The following ITGA10 variants were observed in gnomAD, a reference collection of about 807,000 sequenced individuals.
ITGA10 encodes integrin alpha-10.
A neutral mutation model predicts 145.2 loss-of-function variants in ITGA10; 105 were observed. The observed-to-expected ratio is 0.72, with a 90% CI of 0.62 to 0.85. The LOEUF (loss-of-function observed/expected upper bound fraction) is 0.85. Among genes scored for constraint, ITGA10 ranks in the 40% least tolerant of loss-of-function variants. The pLI is 0.00. For missense variants in ITGA10, 1,317 were observed against 1,444.5 expected (o/e 0.91, Z 1.43); for synonymous variants, 506 against 557.8 (o/e 0.91, Z 1.31).
At chr1:145,895,551 A>C in intron 26 of ITGA10, 80 bp downstream of exon 26, 3 of 1,462,814 alleles carry the variant, frequency 2.1e-6, no homozygotes, top group Non-Finnish European at 2.9e-6. Flanking sequence ...CTTCTTCCCC[A>C]CTCCAGTTCC....
chr1:145,903,964 A>C, intron 7 of ITGA10, 88 bp downstream of exon 7: 1 of 1,479,926 alleles, frequency 6.8e-7, no homozygotes, highest in Admixed American at 1.7e-5. Flanking sequence ...CTGGGATTAC[A>C]GGCGTGAGCC....
chr1:145,899,104 G>A (rs1655860215), intron 16 of ITGA10, 26 bp from the exon 17 acceptor site: 1 of 1,614,274 alleles, frequency 6.2e-7, no homozygotes, highest in Non-Finnish European at 8.5e-7. Flanking sequence ...AAGAGTGAGG[G>A]TGGAAAGGGG....
rs587652969 is a variant in ITGA10 at position 145,895,887 on chromosome 1, G to A, written c.3033+96C>T. 2.7e-5 allele frequency: 29 copies of A among 1,080,858 alleles called. No individual in the cohort carries two copies. The African/African-American group carries it at 3.8e-4, about 14-fold the overall frequency. 67.0% of individuals were successfully genotyped at this position (1,080,858 alleles called of 1,614,324 possible). ...CCCAGAGAGAAGAGCCCCAAGAGCA[G>A]AGGCCCAACAGATAGGGAGCTGGTG... On this transcript the variant is annotated intron_variant, in intron 25 of 29. Transcript: ENST00000369304.
intron 5 of ITGA10, chr1:145,905,873 TG>T (rs1187723506): frequency 1.3e-5 from 2 of 153,482 alleles, no homozygotes; most frequent in Non-Finnish European, 2.9e-5. Context: ...CATGAGTTAC[TG>T]TGCCAGGCCA....
At chr1:145,906,312 G>T in intron 5 of ITGA10, 82 bp downstream of exon 5, 1 of 1,012,936 alleles carries the variant, frequency 9.9e-7, no homozygotes, top group Non-Finnish European at 1.5e-6. Flanking sequence ...CCCTTTGCCA[G>T]GCATCATACC....
rs1657197657 is a variant in ITGA10 at position 145,906,740 on chromosome 1, C to G, written c.359G>C (p.Gly120Ala). ...MSLLETDGDG[G>A]FMACAPLWSR... The stretch of plus-strand genomic sequence containing the variant: ...ACCCTCTCCTTAGCTCACCATGAAT[C>G]CCCCATCACCATCTGTCTCTAACAG... Residue 120 changes from glycine to alanine, a missense_variant, in exon 4 of 30, where the codon GGA (glycine) becomes GCA (alanine). Physicochemically the swap from Gly to Ala is moderately conservative, Grantham distance 60. Transcript: ENST00000369304. The G allele has an allele frequency of 1.9e-6, 3 of 1,609,528 alleles. No individual in the cohort carries two copies. The highest frequency in any genetic ancestry group is 2.6e-6 in the Non-Finnish European group (3 of 1,176,004).
intron 22 of ITGA10, 75 bp from the exon 23 acceptor site, chr1:145,896,933 C>T: frequency 6.6e-7 from 1 of 1,521,078 alleles, no homozygotes; most frequent in Non-Finnish European, 9.1e-7. Flanking sequence ...ATAGAGGAAT[C>T]AATGTTGTTC....
In ITGA10 at chr1:145,897,310, G is replaced by A. The variant is rs587775880; in HGVS notation, c.2604C>T (p.Ala868=). 1.5e-5 allele frequency: 25 copies of A among 1,614,122 alleles called. No homozygotes were observed. The highest frequency in any genetic ancestry group is 3.3e-4 in the Middle Eastern group (2 of 6,060). The change falls in exon 21 of 30, where the codon GCC becomes GCT. Residue 868 remains alanine (A), a synonymous_variant. Coordinates refer to ENST00000369304, the MANE Select transcript of ITGA10 (RefSeq NM_003637.5). ...AGAGCCGGGCATGAGCAGAAGGGGCGGCACATTCCACCTTTATTGGGCTCT... is the reference window on the plus strand; with the variant it reads ...AGAGCCGGGCATGAGCAGAAGGGGCAGCACATTCCACCTTTATTGGGCTCT... ...QRESPIKVEC[A]APSAHARLCS...
chr1:145,900,710 G>A, intron 14 of ITGA10, 80 bp downstream of exon 14: 1 of 1,446,818 alleles, frequency 6.9e-7, no homozygotes, highest in Non-Finnish European at 9.7e-7. Flanking sequence ...CTCAAGCCAA[G>A]GAGACTATTG....
chr1:145,899,378 A>G, intron 15 of ITGA10, 37 bp from the exon 16 acceptor site: 1 of 1,600,986 alleles, frequency 6.2e-7, no homozygotes, highest in South Asian at 1.1e-5. Flanking sequence ...TAGCAGTAGG[A>G]GGTAAGCCCT....
At chr1:145,896,409 G>A in intron 23 of ITGA10, 57 bp from the exon 24 acceptor site, 1 of 1,334,316 alleles carries the variant, frequency 7.5e-7, no homozygotes, top group Non-Finnish European at 1.1e-6. Context: ...AGACACAGGG[G>A]CACATGATCA....
rs1214760376 is a variant in ITGA10 at position 145,896,789 on chromosome 1, C to G, written c.2814G>C (p.Glu938Asp). Reference sequence around the variant, plus strand: ...CATACCTAGAGAACAGGAGGTGGGGCTCATATTGGATGTAGGCTGAGGTCT... The same window carrying G: ...CATACCTAGAGAACAGGAGGTGGGGGTCATATTGGATGTAGGCTGAGGTCT... Reference protein sequence around the residue: ...TAQTSAYIQYEPHLLFSSEST... With the variant: ...TAQTSAYIQYDPHLLFSSEST... The change falls in exon 23 of 30, where the codon GAG becomes GAC. Residue 938 changes from glutamate to aspartate, a missense_variant. Glu to Asp is a conservative substitution (Grantham distance 45). Coordinates refer to ENST00000369304, the MANE Select transcript of ITGA10 (RefSeq NM_003637.5). 1 of 1,613,792 alleles carries G rather than the reference C, an allele frequency of 6.2e-7. No individual in the cohort carries two copies. Among genetic ancestry groups the G allele is most frequent in the Non-Finnish European group, 8.5e-7 (1 of 1,179,880 alleles).
At chr1:145,897,717 T>C in intron 19 of ITGA10, 64 bp from the exon 20 acceptor site, 1 of 1,612,892 alleles carries the variant, frequency 6.2e-7, no homozygotes, top group South Asian at 1.1e-5. Flanking sequence ...AGTCTCACTT[T>C]TGTTATCATG....
In ITGA10 at chr1:145,906,842, G is replaced by A; in HGVS notation, c.275-18C>T. ...GTAGTCACCTGGTTGGAAGGAGGTGGAAGAGAATGAGATCATGGGGTCATA... is the reference window on the plus strand; with the variant it reads ...GTAGTCACCTGGTTGGAAGGAGGTGAAAGAGAATGAGATCATGGGGTCATA... On this transcript the variant is annotated intron_variant, in intron 3 of 29. Transcript: ENST00000369304. The A allele has an allele frequency of 6.4e-7, 1 of 1,558,542 alleles. No individual in the cohort carries two copies. Among genetic ancestry groups the A allele is most frequent in the South Asian group, 1.1e-5 (1 of 89,516 alleles).
At chr1:145,899,710 C>T (rs587775294) in intron 15 of ITGA10, among the ~76,000 whole-genome samples, 1 of 152,130 alleles carries the variant, frequency 6.6e-6, no homozygotes, top group Admixed American at 6.5e-5. Flanking sequence ...GGGGTTTCAC[C>T]ATGTTGGTCA....
rs1654753520 is a variant in ITGA10 at position 145,891,511 on chromosome 1, T to C, written c.*1287A>G. 6.6e-6 allele frequency: 1 copy of C among 152,240 alleles called. No homozygotes were observed. Among genetic ancestry groups the C allele is most frequent in the South Asian group, 2.1e-4 (1 of 4,834 alleles). The allele number at this position is 152,240 out of a possible 1,614,324, so 9.4% of individuals were successfully genotyped here. Reference sequence around the variant, plus strand: ...ATCTCAAGTCTTGATTACAAAGAAATATAAGTTACCCAGTTGTCTATGAGA... The same window carrying C: ...ATCTCAAGTCTTGATTACAAAGAAACATAAGTTACCCAGTTGTCTATGAGA... On this transcript the variant is annotated 3_prime_UTR_variant, in exon 30 of 30. Coordinates refer to ENST00000369304, the MANE Select transcript of ITGA10 (RefSeq NM_003637.5).
rs782579648 is a variant in ITGA10 at position 145,902,969 on chromosome 1, G to C, written c.759-8C>G. On this transcript the variant is annotated splice_polypyrimidine_tract_variant and splice_region_variant and intron_variant, in intron 7 of 29. Coordinates refer to ENST00000369304, the MANE Select transcript of ITGA10 (RefSeq NM_003637.5). ...TGACTGAACCCTTCTGTGCTGAGAA[G>C]AGAAAGGAGTGAGGTGAGATCAGAT... 1 of 1,584,662 alleles carries C rather than the reference G, an allele frequency of 6.3e-7. No homozygotes were observed. Among genetic ancestry groups the C allele is most frequent in the Non-Finnish European group, 8.6e-7 (1 of 1,167,608 alleles).
chr1:145,909,534 A>G (rs1039078200), intron 1 of ITGA10, among the ~76,000 whole-genome samples: 5 of 126,812 alleles, frequency 3.9e-5, no homozygotes, highest in African/African-American at 1.9e-4. Context: ...TATATATAAT[A>G]TATAATTATG....
chr1:145,910,022 C>G lies in ITGA10; in HGVS notation c.-8G>C, dbSNP rs373356288. 2.5e-5 allele frequency: 41 copies of G among 1,611,902 alleles called. No homozygotes were observed. The African/African-American group carries it at 4.8e-4, about 19-fold the overall frequency. ...GACGAAGGGGAGTTCCATGCCTGAT[C>G]GGTTTCTGTCCAGTATGAGAAGTCC... On this transcript the variant is annotated 5_prime_UTR_variant, in exon 1 of 30. Coordinates refer to ENST00000369304, the MANE Select transcript of ITGA10 (RefSeq NM_003637.5).
Sources: gnomAD v4.1 joint callset for allele counts (sites outside exome capture counted in the v4.1 genomes callset) on GRCh38, gnomAD v4.1.1 for gene constraint, MANE v1.5 for transcripts, NCBI Gene and HGNC (gene_info 2026-07-23, HGNC 2026-07-21) for gene names.